Variants in MYO5C observed in about 807,000 individuals in gnomAD.
MYO5C encodes myosin VC, also known as unconventional myosin-Vc.
A neutral mutation model predicts 235.7 loss-of-function variants in MYO5C; 194 were observed. That is an observed-to-expected ratio of 0.82 (90% confidence interval 0.73 to 0.93). The LOEUF is 0.93. Ranked by LOEUF, MYO5C falls within the 40% of genes least tolerant of loss-of-function variation. The pLI is 0.00. For synonymous variants in MYO5C, 707 were observed against 754.8 expected (o/e 0.94, Z 1.04); for missense variants, 2,038 against 2,127.2 (o/e 0.96, Z 0.82).
chr15:52,194,040 G>A lies in MYO5C; in HGVS notation c.5091C>T (p.Ser1697=). 6.2e-7 allele frequency: 1 copy of A among 1,612,572 alleles called. No individual in the cohort carries two copies. Among genetic ancestry groups the A allele is most frequent in the Non-Finnish European group, 8.5e-7 (1 of 1,179,638 alleles). The change falls in exon 41 of 41, where the codon AGC becomes AGT. Residue 1697 remains serine, a synonymous_variant. Coordinates refer to ENST00000261839, the MANE Select transcript of MYO5C (RefSeq NM_018728.4). The part of the protein sequence containing the change: ...FVRKVQALLN[S]REDSSQLMLD... ...ACATCAGCTGTGATGAATCCTCCCGGCTATTTAGGAGAGCCTGAAATTAGA... is the reference window on the plus strand; with the variant it reads ...ACATCAGCTGTGATGAATCCTCCCGACTATTTAGGAGAGCCTGAAATTAGA...
chr15:52,262,690 G>A (rs946722741), intron 9 of MYO5C, among the ~76,000 whole-genome samples: 3 of 152,176 alleles, frequency 2.0e-5, no homozygotes, highest in African/African-American at 4.8e-5. Flanking sequence ...GGCCTAAAAC[G>A]CTAAGCCCAG....
intron 19 of MYO5C, chr15:52,243,478 C>T (rs1174708209): frequency 6.6e-6 from 1 of 152,352 alleles, no homozygotes; most frequent in Non-Finnish European, 1.5e-5. Flanking sequence ...CACAGAAGCA[C>T]AGGAGGGCAA....
chr15:52,291,739 T>TTGTTTTTG lies in MYO5C; in HGVS notation c.27+3870_27+3871insCAAAAACA, dbSNP rs1555422087. Among the ~76,000 whole-genome samples the TTGTTTTTG allele has an allele frequency of 5.2e-4, 39 of 75,626 alleles. 4 individuals carry two copies. Among genetic ancestry groups the TTGTTTTTG allele is most frequent in the Non-Finnish European group, 7.9e-4 (28 of 35,350 alleles). The allele number at this position is 75,626 out of a possible 152,430, so 49.6% of individuals were successfully genotyped here. ...TTGTTTGCATATTTTATGTTTTTTTTTTTTTTTTTTTTTTTTTGAGACAGG... is the reference window on the plus strand; with the variant it reads ...TTGTTTGCATATTTTATGTTTTTTTTTGTTTTTGTTTTTTTTTTTTTTTTTGAGACAGG... On this transcript the variant is annotated intron_variant, in intron 1 of 40. Coordinates refer to ENST00000261839, the MANE Select transcript of MYO5C (RefSeq NM_018728.4).
At chr15:52,245,226 G>GA in intron 18 of MYO5C, 128 bp downstream of exon 18, 1 of 737,910 alleles carries the variant, frequency 1.4e-6, no homozygotes, top group Non-Finnish European at 2.4e-6. Context: ...AATGCTCAGG[G>GA]CACATTTTCT....
chr15:52,225,259 C>G (rs1395769107), intron 26 of MYO5C, 121 bp from the exon 27 acceptor site: 1 of 1,173,134 alleles, frequency 8.5e-7, no homozygotes, highest in Non-Finnish European at 1.2e-6. Context: ...CACCAGCTAT[C>G]CAATCAACCA....
At chr15:52,269,996 A>C in intron 7 of MYO5C, 136 bp from the exon 8 acceptor site, 3 of 629,234 alleles carry the variant, frequency 4.8e-6, no homozygotes, top group Non-Finnish European at 8.3e-6. Flanking sequence ...ATTCCTTAGA[A>C]CTCTGCATTA....
Position 52,192,584 on chromosome 15 carries a change from G to A in MYO5C, c.*1318C>T, listed in dbSNP as rs2034951697. ...TTAGGTTGGTGACAGAATAGCACTG[G>A]ATCCACAGGCCAGAGACTAGGAGTG... On this transcript the variant is annotated 3_prime_UTR_variant, in exon 41 of 41. Transcript: ENST00000261839. The A allele has an allele frequency of 6.6e-6, 1 of 152,152 alleles. No homozygotes were observed. The highest frequency in any genetic ancestry group is 2.4e-5 in the African/African-American group (1 of 41,422). The allele number at this position is 152,152 out of a possible 1,614,324, so 9.4% of individuals were successfully genotyped here.
intron 38 of MYO5C, among the ~76,000 whole-genome samples, chr15:52,198,675 G>A (rs1240288094): frequency 2.0e-5 from 3 of 151,142 alleles, no homozygotes; most frequent in Admixed American, 2.0e-4. Flanking sequence ...TCCATGTCCT[G>A]GGTTCAAGAG....
chr15:52,234,857 G>A (rs1280327596), intron 23 of MYO5C, among the ~76,000 whole-genome samples: 1 of 152,158 alleles, frequency 6.6e-6, no homozygotes, highest in Non-Finnish European at 1.5e-5. Context: ...ACCATTTGCT[G>A]GGCTAGAGGT....
At chr15:52,255,490 T>G (rs2140812738) in intron 11 of MYO5C, among the ~76,000 whole-genome samples, 1 of 152,350 alleles carries the variant, frequency 6.6e-6, no homozygotes, top group African/African-American at 2.4e-5. Flanking sequence ...GCATTTTAGC[T>G]TTCATGGCTT....
chr15:52,265,014 C>T (rs1053016708), intron 8 of MYO5C, among the ~76,000 whole-genome samples: 19 of 152,148 alleles, frequency 1.2e-4, no homozygotes, highest in African/African-American at 4.6e-4. Flanking sequence ...CTGCTGCTGC[C>T]CCCCAGGTGC....
chr15:52,203,462 C>T (rs1458624093), intron 38 of MYO5C, among the ~76,000 whole-genome samples: 1 of 152,188 alleles, frequency 6.6e-6, no homozygotes, highest in Non-Finnish European at 1.5e-5. Context: ...TCTCCTGCCT[C>T]GGCCTCCCGA....
chr15:52,210,523 T>G (rs2035422465), intron 35 of MYO5C, among the ~76,000 whole-genome samples: 2 of 152,150 alleles, frequency 1.3e-5, no homozygotes, highest in Non-Finnish European at 1.5e-5. Context: ...GGTCATTTCC[T>G]AGAAAAAGAG....
At chr15:52,246,341 T>C (rs2036344168) in intron 16 of MYO5C, among the ~76,000 whole-genome samples, 1 of 152,122 alleles carries the variant, frequency 6.6e-6, no homozygotes, top group South Asian at 2.1e-4. Context: ...ATATGCTAGC[T>C]CGCCTGGCCC....
rs1273870116 is a variant in MYO5C at position 52,205,807 on chromosome 15, T to C, written c.4537+9A>G. 10 of 1,514,928 alleles carry C rather than the reference T, an allele frequency of 6.6e-6. No individual in the cohort carries two copies. The highest frequency in any genetic ancestry group is 9.0e-6 in the Non-Finnish European group (10 of 1,116,434). 93.8% of individuals were successfully genotyped at this position (1,514,928 alleles called of 1,614,324 possible). On this transcript the variant is annotated intron_variant, in intron 37 of 40. Transcript: ENST00000261839. ...ATAAATATTTTTTGGTCATCCATTCTCTTCTTACCTATTATCGGTTGGATA... is the reference window on the plus strand; with the variant it reads ...ATAAATATTTTTTGGTCATCCATTCCCTTCTTACCTATTATCGGTTGGATA...
At chr15:52,227,623 C>T (rs899017294) in intron 25 of MYO5C, among the ~76,000 whole-genome samples, 1 of 152,168 alleles carries the variant, frequency 6.6e-6, no homozygotes, top group African/African-American at 2.4e-5. Flanking sequence ...AAGATACAGA[C>T]CTCAGACCTC....
At chr15:52,199,823 C>T (rs897464318) in intron 38 of MYO5C, among the ~76,000 whole-genome samples, 2 of 152,160 alleles carry the variant, frequency 1.3e-5, no homozygotes, top group African/African-American at 4.8e-5. Flanking sequence ...TCTCTCTTTG[C>T]CCTCACCATT....
chr15:52,263,809 G>A (rs2036743487), intron 9 of MYO5C, among the ~76,000 whole-genome samples: 1 of 152,132 alleles, frequency 6.6e-6, no homozygotes, highest in African/African-American at 2.4e-5. Flanking sequence ...GCCGTCAGCT[G>A]CCAGAGCCCA....
chr15:52,291,496 A>C (rs1486699561), intron 1 of MYO5C, among the ~76,000 whole-genome samples: 1 of 152,002 alleles, frequency 6.6e-6, no homozygotes, highest in Non-Finnish European at 1.5e-5. Context: ...TATGTCTTCA[A>C]ACTGCAGTCC....
Sources: allele counts gnomAD v4.1 joint callset (sites outside exome capture counted in the v4.1 genomes callset), GRCh38; gene constraint gnomAD v4.1.1; transcripts MANE v1.5; gene names NCBI Gene and HGNC (gene_info 2026-07-23, HGNC 2026-07-21).